The following TRIB3 variants were observed in gnomAD, a reference collection of about 807,000 sequenced individuals.
The protein encoded by TRIB3 is tribbles homolog 3.
A neutral mutation model predicts 16.6 loss-of-function variants in TRIB3; 20 were observed. That is an observed-to-expected ratio of 1.20 (90% CI 0.85 to 1.75). The LOEUF is 1.75. TRIB3 is among the 40% of genes most tolerant of loss of function. TRIB3 has a pLI of 0.00. For missense variants in TRIB3, 484 were observed against 488.9 expected (o/e 0.99, Z 0.10); for synonymous variants, 208 against 217.0 (o/e 0.96, Z 0.36).
At position 388,373 on chromosome 20, in the gene TRIB3, G is replaced by A. The variant is rs1043884331; in HGVS notation, c.291+72G>A. On this transcript the variant is annotated intron_variant, in intron 2 of 3. Transcript: ENST00000217233. ...GAAGGAGGCCTCCAAAGGATTGCCA[G>A]GGTGCAGAGGGGTCCTTATGTTCAT... 2.7e-6 allele frequency: 4 copies of A among 1,475,922 alleles called. No homozygotes were observed. In the African/African-American group the frequency reaches 5.6e-5, roughly 21 times the overall value. The allele number at this position is 1,475,922 out of a possible 1,614,324, so 91.4% of individuals were successfully genotyped here. A position where few individuals can be genotyped will look rare whatever the true frequency, so the allele number is the denominator to read the frequency against.
intron 1 of TRIB3, among the ~76,000 whole-genome samples, chr20:383,139 C>T (rs778664093): frequency 6.6e-6 from 1 of 152,226 alleles, no homozygotes; most frequent in Non-Finnish European, 1.5e-5. Context: ...ACCACACACA[C>T]AGTCACACAG....
At chr20:387,935 G>A (rs922323480) in intron 1 of TRIB3, 76 bp from the exon 2 acceptor site, 137 of 1,520,360 alleles carry the variant, frequency 9.0e-5, no homozygotes, top group South Asian at 6.0e-4. Context: ...GTTGTGCCAC[G>A]TATCCTCCCA....
chr20:388,443 G>A (rs779915179), intron 2 of TRIB3, 142 bp downstream of exon 2: 10 of 1,131,764 alleles, frequency 8.8e-6, no homozygotes, highest in Non-Finnish European at 1.2e-5. Flanking sequence ...GGGAGCCCCT[G>A]CTGGACTGAT....
chr20:387,772 A>G (rs1188309050), intron 1 of TRIB3, among the ~76,000 whole-genome samples: 3 of 152,048 alleles, frequency 2.0e-5, no homozygotes, highest in Non-Finnish European at 4.4e-5. Flanking sequence ...TGCTTTTGCT[A>G]TTGGACACAA....
chr20:396,747 A>G lies in TRIB3; in HGVS notation c.*57A>G. 1 of 1,544,504 alleles carries G rather than the reference A, an allele frequency of 6.5e-7. No individual in the cohort carries two copies. Among genetic ancestry groups the G allele is most frequent in the Middle Eastern group, 1.7e-4 (1 of 5,746 alleles). ...GTGGATTGAGTTTGGGGGTAGCTCC[A>G]AGCCTTCTCCTGCCTCTGAACTGAG... On this transcript the variant is annotated 3_prime_UTR_variant, in exon 4 of 4. Coordinates refer to ENST00000217233, the MANE Select transcript of TRIB3 (RefSeq NM_021158.5).
At chr20:392,630 C>T (rs1214503933) in intron 3 of TRIB3, among the ~76,000 whole-genome samples, 2 of 151,854 alleles carry the variant, frequency 1.3e-5, no homozygotes, top group African/African-American at 4.8e-5. Flanking sequence ...GATCTTGGCT[C>T]ACTGCAACCT....
At chr20:394,906 C>T (rs1263895022) in intron 3 of TRIB3, among the ~76,000 whole-genome samples, 1 of 152,006 alleles carries the variant, frequency 6.6e-6, no homozygotes, top group East Asian at 1.9e-4. Context: ...GCTTTTTGGC[C>T]CTGAGCAAAT....
At chr20:385,483 A>G (rs2014780791) in intron 1 of TRIB3, 1 of 150,614 alleles carries the variant, frequency 6.6e-6, no homozygotes, top group African/African-American at 2.5e-5. Context: ...GTTCTTGGGG[A>G]ACATGCAGCA....
At chr20:387,035 G>A (rs371477630) in intron 1 of TRIB3, among the ~76,000 whole-genome samples, 5 of 152,082 alleles carry the variant, frequency 3.3e-5, no homozygotes, top group South Asian at 4.1e-4. Context: ...ACAGGCGTGA[G>A]CCACCACGCC....
intron 2 of TRIB3, among the ~76,000 whole-genome samples, chr20:389,420 G>A (rs1416741272): frequency 6.6e-6 from 1 of 152,152 alleles, no homozygotes; most frequent in Non-Finnish European, 1.5e-5. Context: ...GAGAGTAGCG[G>A]GGGCCTGGGT....
intron 3 of TRIB3, among the ~76,000 whole-genome samples, chr20:394,583 G>A (rs542125875): frequency 3.3e-5 from 5 of 152,034 alleles, no homozygotes; most frequent in Non-Finnish European, 4.4e-5. Context: ...CCAGGAGTTC[G>A]AGGCCAGCCT....
chr20:388,306 G>C lies in TRIB3; in HGVS notation c.291+5G>C. On this transcript the variant is annotated splice_donor_5th_base_variant and intron_variant, in intron 2 of 3. Transcript: ENST00000217233. ...GGCACTGAGTATACCTGCAAGGTAC[G>C]TGCCCATGGGCGGCTGTCCCCCAGC... 2 of 1,593,166 alleles carry C rather than the reference G, an allele frequency of 1.3e-6. No individual in the cohort carries two copies. Among genetic ancestry groups the C allele is most frequent in the South Asian group, 1.1e-5 (1 of 90,334 alleles).
At chr20:386,735 G>A (rs1473796213) in intron 1 of TRIB3, among the ~76,000 whole-genome samples, 1 of 152,072 alleles carries the variant, frequency 6.6e-6, no homozygotes, top group East Asian at 1.9e-4. Context: ...ACCACGCCTG[G>A]CTAATTTTTC....
At chr20:389,587 C>T (rs184329630) in intron 2 of TRIB3, among the ~76,000 whole-genome samples, 7 of 152,288 alleles carry the variant, frequency 4.6e-5, no homozygotes, top group Admixed American at 2.6e-4. Flanking sequence ...AGATCTCCAG[C>T]GCCCTTACCA....
At chr20:383,384 A>C (rs2014713739) in intron 1 of TRIB3, among the ~76,000 whole-genome samples, 1 of 152,232 alleles carries the variant, frequency 6.6e-6, no homozygotes, top group East Asian at 1.9e-4. Flanking sequence ...TACAGAATAA[A>C]TTCTTAGCAA....
At chr20:385,093 C>T (rs117292049) in intron 1 of TRIB3, among the ~76,000 whole-genome samples, 1 of 152,282 alleles carries the variant, frequency 6.6e-6, no homozygotes, top group East Asian at 1.9e-4. Context: ...AGGGCCTCTA[C>T]TAACCTCACC....
At chr20:388,404 C>T in intron 2 of TRIB3, 103 bp downstream of exon 2, 2 of 1,381,286 alleles carry the variant, frequency 1.4e-6, no homozygotes, top group Non-Finnish European at 1.9e-6. Flanking sequence ...TTCATTCATT[C>T]TTGTGTTTGT....
Position 388,063 on chromosome 20 carries a change from G to T in TRIB3, c.53G>T (p.Arg18Leu), listed in dbSNP as rs201854555. ...GCGGGTTCCCTGTCCAGGAAGAAGC[G>T]GTTGGAGTTGGATGACAACTTAGAT... ...APAGSLSRKK[R>L]LELDDNLDTE... Residue 18 changes from arginine (R) to leucine (L), a missense_variant, in exon 2 of 4, where the codon CGG (arginine) becomes CTG (leucine). Coordinates refer to ENST00000217233, the MANE Select transcript of TRIB3 (RefSeq NM_021158.5). 3 of 1,614,114 alleles carry T rather than the reference G, an allele frequency of 1.9e-6. No individual in the cohort carries two copies. The highest frequency in any genetic ancestry group is 2.7e-5 in the African/African-American group (2 of 75,052).
At chr20:396,152 G>T in intron 3 of TRIB3, 46 bp from the exon 4 acceptor site, 1 of 1,567,126 alleles carries the variant, frequency 6.4e-7, no homozygotes. Context: ...GGTGGCATGG[G>T]GGTTCTGGGT....
Sources: allele counts gnomAD v4.1 joint callset (sites outside exome capture counted in the v4.1 genomes callset), GRCh38; gene constraint gnomAD v4.1.1; transcripts MANE v1.5; gene names NCBI Gene and HGNC (gene_info 2026-07-23, HGNC 2026-07-21).